Variants in DOP1B observed in about 807,000 individuals in gnomAD.
DOP1B encodes DOP1 leucine zipper like protein B, also known as protein DOP1B.
DOP1B carries 174 observed loss-of-function variants against 233.5 expected under a neutral mutation model. The observed-to-expected ratio is 0.75, with a 90% CI of 0.66 to 0.85. The LOEUF is 0.85. Among genes scored for constraint, DOP1B ranks in the 40% least tolerant of loss-of-function variants. DOP1B has a pLI of 0.00. For synonymous variants in DOP1B, 1,190 were observed against 1,185.6 expected, an observed-to-expected ratio of 1.00 and a Z score of -0.08; for missense variants, 2,652 against 2,846.6, an observed-to-expected ratio of 0.93 and a Z score of 1.56.
chr21:36,195,289 T>G (rs2066277064), intron 2 of DOP1B, among the ~76,000 whole-genome samples: 1 of 141,898 alleles, frequency 7.0e-6, no homozygotes, highest in Admixed American at 7.8e-5. Context: ...TGCAGTGAGC[T>G]GAGATTGCAC....
At chr21:36,191,618 T>C (rs931615120) in intron 2 of DOP1B, among the ~76,000 whole-genome samples, 2 of 152,144 alleles carry the variant, frequency 1.3e-5, no homozygotes, top group African/African-American at 4.8e-5. Context: ...AAACCTCGTC[T>C]CTACTAAAAA....
At chr21:36,247,119 A>G (rs745885515) in intron 19 of DOP1B, among the ~76,000 whole-genome samples, 21 of 152,236 alleles carry the variant, frequency 1.4e-4, no homozygotes, top group Admixed American at 1.2e-3. Flanking sequence ...AGCTCAGGCA[A>G]TCCCCCTGCC....
At chr21:36,257,075 G>A (rs73377438) in intron 23 of DOP1B, among the ~76,000 whole-genome samples, 14,620 of 152,190 alleles carry the variant, frequency 0.096, 1,003 homozygotes, top group East Asian at 0.32. Context: ...TTTGGGTTCA[G>A]TTAATTTGTC....
intron 16 of DOP1B, among the ~76,000 whole-genome samples, chr21:36,237,784 C>G (rs568927337): frequency 1.1e-3 from 163 of 152,288 alleles, no homozygotes; most frequent in African/African-American, 3.5e-3. Context: ...GTAATCCCAG[C>G]ATTTTGGGAG....
intron 14 of DOP1B, among the ~76,000 whole-genome samples, chr21:36,231,949 G>A (rs182060364): frequency 4.5e-4 from 68 of 151,588 alleles, no homozygotes; most frequent in African/African-American, 1.6e-3. Flanking sequence ...GGGTTCAAGT[G>A]ATTCTCCTAC....
chr21:36,173,234 G>A (rs939579647), intron 2 of DOP1B, among the ~76,000 whole-genome samples: 2 of 152,046 alleles, frequency 1.3e-5, no homozygotes, highest in East Asian at 1.9e-4. Flanking sequence ...GTAACTAAAT[G>A]TTATAATGCA....
At chr21:36,214,858 T>C (rs2066542032) in intron 9 of DOP1B, among the ~76,000 whole-genome samples, 1 of 152,038 alleles carries the variant, frequency 6.6e-6, no homozygotes, top group Non-Finnish European at 1.5e-5. Flanking sequence ...AAAAGCCATG[T>C]TGAAAAACCC....
intron 31 of DOP1B, 28 bp from the exon 32 acceptor site, chr21:36,281,455 A>G (rs1423828325): frequency 5.8e-6 from 9 of 1,564,070 alleles, no homozygotes; most frequent in Middle Eastern, 3.4e-4. Flanking sequence ...TTTTCTCACT[A>G]AGTAAAACAT....
chr21:36,200,285 C>A (rs117092897), intron 3 of DOP1B, 46 bp from the exon 4 acceptor site: 1 of 1,515,216 alleles, frequency 6.6e-7, no homozygotes, highest in South Asian at 1.3e-5. Flanking sequence ...GGACTTCTGA[C>A]TGGGTATCTT....
intron 23 of DOP1B, among the ~76,000 whole-genome samples, chr21:36,258,972 G>GT (rs551334908): frequency 0.016 from 1,846 of 115,992 alleles, 36 homozygotes; most frequent in East Asian, 0.025. Flanking sequence ...GCCTTTCACT[G>GT]TTTTTTTTTT....
At chr21:36,183,453 A>G (rs1300925043) in intron 2 of DOP1B, among the ~76,000 whole-genome samples, 3 of 152,236 alleles carry the variant, frequency 2.0e-5, no homozygotes, top group Admixed American at 2.0e-4. Context: ...ACCCTGGACC[A>G]TCCTCAACCC....
intron 2 of DOP1B, among the ~76,000 whole-genome samples, chr21:36,179,124 T>C (rs945666379): frequency 2.0e-5 from 3 of 152,250 alleles, no homozygotes; most frequent in Non-Finnish European, 4.4e-5. Context: ...TCGAGAGTCA[T>C]TCAGGCTGTT....
intron 2 of DOP1B, among the ~76,000 whole-genome samples, chr21:36,196,954 TTGAGA>T (rs2066297814): frequency 6.6e-6 from 1 of 151,868 alleles, no homozygotes; most frequent in South Asian, 2.1e-4. Context: ...TTTTTTTTTT[TTGAGA>T]TGAGATGGAG....
chr21:36,247,222 A>G (rs1030187216), intron 19 of DOP1B, among the ~76,000 whole-genome samples: 2 of 152,208 alleles, frequency 1.3e-5, no homozygotes, highest in Non-Finnish European at 2.9e-5. Context: ...AGTCTAGCTC[A>G]GTGTTGCAGG....
At position 36,233,021 on chromosome 21, in the gene DOP1B, T is replaced by A. The variant is rs1293937592; in HGVS notation, c.2568T>A (p.Pro856=). The change falls in exon 15 of 37, where the codon CCT becomes CCA. Residue 856 remains proline, a synonymous_variant. Transcript: ENST00000691173. ...FFGKLQMVTV[P]PIAPGILKVI... Reference sequence around the variant, plus strand: ...GCAAGCTGCAGATGGTGACGGTTCCTCCCATTGCTCCAGGGATATTGAAAG... The same window carrying A: ...GCAAGCTGCAGATGGTGACGGTTCCACCCATTGCTCCAGGGATATTGAAAG... The A allele has an allele frequency of 1.2e-6, 2 of 1,614,092 alleles. No homozygotes were observed. Among genetic ancestry groups the A allele is most frequent in the Non-Finnish European group, 8.5e-7 (1 of 1,179,990 alleles).
chr21:36,269,934 A>T, intron 26 of DOP1B, 79 bp from the exon 27 acceptor site: 1 of 1,458,824 alleles, frequency 6.9e-7, no homozygotes, highest in Non-Finnish European at 9.5e-7. Flanking sequence ...TTTTATTTCT[A>T]CTGGACAGTG....
chr21:36,156,890 G>C lies in DOP1B; in HGVS notation c.-80G>C, dbSNP rs112011186. On this transcript the variant is annotated 5_prime_UTR_variant, in exon 1 of 37. Coordinates refer to ENST00000691173, the MANE Select transcript of DOP1B (RefSeq NM_001320714.2). ...TGCCCAGTCTCTCTCCCCCAGCCCG[G>C]AGGGCTCCTCCGCGCCGCACGTGAG... 6.6e-6 allele frequency: 1 copy of C among 152,354 alleles called. No individual in the cohort carries two copies. Among genetic ancestry groups the C allele is most frequent in the African/African-American group, 2.4e-5 (1 of 41,438 alleles). 9.4% of individuals were successfully genotyped at this position (152,354 alleles called of 1,614,324 possible).
At chr21:36,157,148 G>C (rs1459391637) in intron 1 of DOP1B, among the ~76,000 whole-genome samples, 2 of 152,096 alleles carry the variant, frequency 1.3e-5, no homozygotes, top group African/African-American at 2.4e-5. Flanking sequence ...TGCGGGGGCG[G>C]AGAGCTCGGG....
rs765822367 is a variant in DOP1B, at chr21:36,245,001, T to C, written c.3068-47T>C. 6.5e-7 allele frequency: 1 copy of C among 1,544,800 alleles called. No homozygotes were observed. The highest frequency in any genetic ancestry group is 1.8e-5 in the Admixed American group (1 of 54,064). On this transcript the variant is annotated intron_variant, in intron 18 of 36. Coordinates refer to ENST00000691173, the MANE Select transcript of DOP1B (RefSeq NM_001320714.2). The surrounding 1 kb of genome is among the most constrained non-coding windows in gnomAD (Gnocchi z 5.5). ...AGACCGCCCTACAGCTAATGTATCA[T>C]AGCTGACCCTTCTGTCTAAAGTCAT...
Sources: gnomAD v4.1 joint callset for allele counts (sites outside exome capture counted in the v4.1 genomes callset) on GRCh38, gnomAD v4.1.1 for gene constraint, Gnocchi (gnomAD v3.1) non-coding constraint, MANE v1.5 for transcripts, NCBI Gene and HGNC (gene_info 2026-07-23, HGNC 2026-07-21) for gene names.